PDE10A: variants seen among roughly 807,000 people sequenced by gnomAD.
PDE10A encodes cAMP and cAMP-inhibited cGMP 3',5'-cyclic phosphodiesterase 10A.
A neutral mutation model predicts 97.7 loss-of-function variants in PDE10A; 39 were observed. The ratio of observed to expected loss-of-function variants is 0.40; its 90% confidence interval spans 0.31 to 0.52. The LOEUF is 0.52. Among genes scored for constraint, PDE10A ranks in the 20% least tolerant of loss-of-function variants. The pLI, the probability that PDE10A is intolerant of heterozygous loss-of-function variation, is 0.56. For synonymous variants in PDE10A, 371 were observed against 376.8 expected (o/e 0.98, Z 0.18); for missense variants, 731 against 1,047.8 (o/e 0.70, Z 4.17).
intron 1 of PDE10A, among the ~76,000 whole-genome samples, chr6:165,767,610 G>A (rs1385822586): frequency 6.6e-6 from 1 of 152,236 alleles, no homozygotes; most frequent in Admixed American, 6.5e-5. Flanking sequence ...GCTGTGGCAT[G>A]TGTCAGAATT....
intron 1 of PDE10A, among the ~76,000 whole-genome samples, chr6:165,755,444 G>A (rs933815783): frequency 3.3e-5 from 5 of 152,152 alleles, no homozygotes; most frequent in African/African-American, 9.7e-5. Flanking sequence ...CCTGTTGGGC[G>A]AATTTCTCCC....
intron 2 of PDE10A, among the ~76,000 whole-genome samples, chr6:165,515,523 CT>C (rs376897417): frequency 0.11 from 14,157 of 124,212 alleles, 494 homozygotes; most frequent in East Asian, 0.21. Context: ...TGCTTTTGTT[CT>C]TTTTTTTTTT....
At chr6:165,954,623 C>T (rs1784073851) in intron 1 of PDE10A, among the ~76,000 whole-genome samples, 1 of 152,178 alleles carries the variant, frequency 6.6e-6, no homozygotes, top group Admixed American at 6.5e-5. Context: ...CCTCCCTCCT[C>T]ACCACCTGTG....
Position 165,402,687 on chromosome 6 carries a change from C to T in PDE10A, c.2077-6228G>A, listed in dbSNP as rs199498350. On this transcript the variant is annotated intron_variant, in intron 13 of 21. Transcript: ENST00000539869. ...CGAGGATATTGAAAAGGTATATGTGCTCAAAAAACAAAACGATAAAGACAA... is the reference window on the plus strand; with the variant it reads ...CGAGGATATTGAAAAGGTATATGTGTTCAAAAAACAAAACGATAAAGACAA... 1.4e-4 allele frequency among the ~76,000 whole-genome samples: 21 copies of T among 152,160 alleles called. No individual in the cohort carries two copies. In the East Asian group the frequency reaches 4.1e-3, roughly 29 times the overall value.
At chr6:165,627,872 C>T (rs1196465391) in intron 1 of PDE10A, among the ~76,000 whole-genome samples, 2 of 152,128 alleles carry the variant, frequency 1.3e-5, no homozygotes, top group African/African-American at 4.8e-5. Flanking sequence ...TCTGAGAAGC[C>T]GCATTACCTA....
At chr6:165,712,935 C>T (rs536646656) in intron 1 of PDE10A, among the ~76,000 whole-genome samples, 5 of 152,266 alleles carry the variant, frequency 3.3e-5, no homozygotes, top group East Asian at 1.9e-4. Context: ...CCACCGCACC[C>T]GGCCCGTTTT....
At chr6:165,402,504 T>C (rs1008932608) in intron 13 of PDE10A, among the ~76,000 whole-genome samples, 7 of 152,154 alleles carry the variant, frequency 4.6e-5, no homozygotes, top group African/African-American at 1.7e-4. Context: ...GGTAGAAAAC[T>C]ATGTTGTCTT....
chr6:165,662,147 C>G lies in PDE10A; in HGVS notation c.665G>C (p.Gly222Ala). 1.8e-6 allele frequency: 1 copy of G among 545,966 alleles called. No homozygotes were observed. The allele number at this position is 545,966 out of a possible 1,614,324, so 33.8% of individuals were successfully genotyped here. Residue 222 changes from glycine (G) to alanine (A), a missense_variant, in exon 1 of 22, where the codon GGC becomes GCC. By Grantham distance (60) the Gly-to-Ala change is moderately conservative (BLOSUM62 0). Around this residue, in one of 8 missense-constraint regions of PDE10A, gnomAD observed 181 missense variants for 159.1 expected, o/e 1.14. Coordinates refer to ENST00000539869, the MANE Select transcript of PDE10A (RefSeq NM_001385079.1). ...GGAGCCCGCGCGGCGGGCGGCCTGG[C>G]CAAGGGGGAGCCGGGGCGGCGGCGG... ...RPPPPPRLPL[G>A]QAARRAGSPG...
intron 1 of PDE10A, among the ~76,000 whole-genome samples, chr6:165,622,626 C>T (rs538136519): frequency 6.6e-6 from 1 of 152,228 alleles, no homozygotes; most frequent in South Asian, 2.1e-4. Context: ...CCAAAACATC[C>T]TTATATAGTG....
At chr6:165,764,923 A>T (rs1274174726) in intron 1 of PDE10A, among the ~76,000 whole-genome samples, 1 of 152,072 alleles carries the variant, frequency 6.6e-6, no homozygotes, top group Non-Finnish European at 1.5e-5. Flanking sequence ...GTCTGTTTTG[A>T]CAGGGCACTG....
chr6:165,373,168 G>C (rs1395189510), intron 18 of PDE10A, among the ~76,000 whole-genome samples: 1 of 150,852 alleles, frequency 6.6e-6, no homozygotes, highest in Non-Finnish European at 1.5e-5. Context: ...CATAGGCATG[G>C]GCAAGGACTT....
chr6:165,555,396 A>T (rs995771876), intron 1 of PDE10A, among the ~76,000 whole-genome samples: 3 of 152,184 alleles, frequency 2.0e-5, no homozygotes, highest in Admixed American at 6.5e-5. Flanking sequence ...GGGCCCCAAA[A>T]CAGTACCTAC....
At chr6:165,883,306 A>G (rs998246382) in intron 1 of PDE10A, among the ~76,000 whole-genome samples, 4 of 152,038 alleles carry the variant, frequency 2.6e-5, no homozygotes, top group African/African-American at 4.8e-5. Context: ...ACTTTGGGAG[A>G]CTAAGGTGGG....
chr6:165,624,716 G>A (rs1562639880), intron 1 of PDE10A, among the ~76,000 whole-genome samples: 1 of 152,200 alleles, frequency 6.6e-6, no homozygotes. Context: ...GACCCTGGAA[G>A]CACAACAGTG....
intron 1 of PDE10A, among the ~76,000 whole-genome samples, chr6:165,548,302 T>TTA (rs1562570443): frequency 7.0e-6 from 1 of 142,572 alleles, no homozygotes; most frequent in African/African-American, 2.7e-5. Flanking sequence ...TTTTTTTTTT[T>TTA]ACTGCTTGTT....
At chr6:165,914,717 C>T (rs971543425) in intron 1 of PDE10A, among the ~76,000 whole-genome samples, 5 of 152,230 alleles carry the variant, frequency 3.3e-5, no homozygotes, top group Non-Finnish European at 7.3e-5. Context: ...TTGCCCGTTT[C>T]AGTTTCCTTC....
chr6:165,754,994 G>T (rs1793084970), intron 1 of PDE10A, among the ~76,000 whole-genome samples: 1 of 151,972 alleles, frequency 6.6e-6, no homozygotes, highest in Admixed American at 6.6e-5. Flanking sequence ...ATAAAAATAG[G>T]TTTTTGTTTC....
chr6:165,698,985 T>G (rs533033074), intron 1 of PDE10A, among the ~76,000 whole-genome samples: 2 of 152,230 alleles, frequency 1.3e-5, no homozygotes, highest in South Asian at 4.1e-4. Flanking sequence ...CAAACATAAA[T>G]TCAACTATGT....
At chr6:165,928,758 G>T (rs1294585865) in intron 1 of PDE10A, among the ~76,000 whole-genome samples, 5 of 152,290 alleles carry the variant, frequency 3.3e-5, no homozygotes, top group Middle Eastern at 3.4e-3. Context: ...CCTCCTGAGT[G>T]CTGGGACCTA....
Sources: gnomAD v4.1 joint callset for allele counts (sites outside exome capture counted in the v4.1 genomes callset) on GRCh38, gnomAD v4.1.1 for gene constraint, gnomAD v4.1.1 regional missense constraint, MANE v1.5 for transcripts, NCBI Gene and HGNC (gene_info 2026-07-23, HGNC 2026-07-21) for gene names.